The following PKIG variants were observed in gnomAD, a reference collection of about 807,000 sequenced individuals.
PKIG encodes cAMP-dependent protein kinase inhibitor gamma.
In PKIG, 1 loss-of-function variant was observed where a neutral mutation model predicts 6.8. That is an observed-to-expected ratio of 0.15 (90% CI 0.05 to 0.69). The LOEUF (loss-of-function observed/expected upper bound fraction) is 0.69. PKIG is among the 30% of genes least tolerant of loss of function. PKIG has a pLI of 0.82. For missense variants in PKIG, 77 were observed against 104.0 expected (o/e 0.74, Z 1.13); for synonymous variants, 39 against 43.0 (o/e 0.91, Z 0.36).
intron 1 of PKIG, among the ~76,000 whole-genome samples, chr20:44,574,740 A>AT (rs1336947856): frequency 2.0e-5 from 3 of 151,828 alleles, no homozygotes; most frequent in Non-Finnish European, 2.9e-5. Context: ...TGCCCAGCTA[A>AT]TTTTTTTATT....
chr20:44,561,448 G>A (rs1414454471), intron 1 of PKIG, among the ~76,000 whole-genome samples: 1 of 152,122 alleles, frequency 6.6e-6, no homozygotes, highest in East Asian at 1.9e-4. Context: ...AGAATGCAGT[G>A]GATGTATTTA....
chr20:44,550,257 G>T (rs2064655823), intron 1 of PKIG, among the ~76,000 whole-genome samples: 1 of 151,286 alleles, frequency 6.6e-6, no homozygotes, highest in Non-Finnish European at 1.5e-5. Flanking sequence ...AGATAAAAAT[G>T]AAAAATATAA....
intron 1 of PKIG, among the ~76,000 whole-genome samples, chr20:44,549,439 G>T (rs188060226): frequency 4.5e-4 from 68 of 152,168 alleles, no homozygotes; most frequent in African/African-American, 1.6e-3. Flanking sequence ...GTTATACTTT[G>T]TTGATGTTTC....
In PKIG at chr20:44,617,907, A is replaced by C. The variant is rs145762424; in HGVS notation, c.152-378A>C. Among the ~76,000 whole-genome samples the C allele has an allele frequency of 1.1e-4, 17 of 151,572 alleles. No homozygotes were observed. In the East Asian group the frequency reaches 2.9e-3, roughly 26 times the overall value. ...TAAAAATACAAAAATTAAAAAAAAA[A>C]CAAACAAACAGAACAGCTGCCATTT... On this transcript the variant is annotated intron_variant, in intron 3 of 3. Coordinates refer to ENST00000372886, the MANE Select transcript of PKIG (RefSeq NM_001281445.2).
chr20:44,582,362 G>A (rs2064955793), upstream of PKIG, among the ~76,000 whole-genome samples: 1 of 152,150 alleles, frequency 6.6e-6, no homozygotes, highest in Admixed American at 6.5e-5. Context: ...GAAAATTGAA[G>A]GAAGGATATT....
Position 44,574,790 on chromosome 20 carries a change from G to A in PKIG, c.-240-7795G>A, listed in dbSNP as rs139979031. Among the ~76,000 whole-genome samples the A allele has an allele frequency of 8.5e-3, 1,285 of 151,890 alleles. 6 individuals carry two copies. The highest frequency in any genetic ancestry group is 0.045 in the Middle Eastern group (13 of 292). ...GGTTTCACCATATTAGGCTGGTCTCGAACTCCTGACCTCAGGTGATCTACC... is the reference window on the plus strand; with the variant it reads ...GGTTTCACCATATTAGGCTGGTCTCAAACTCCTGACCTCAGGTGATCTACC... On this transcript the variant is annotated intron_variant, in intron 1 of 4. Coordinates refer to the PKIG transcript ENST00000372887.
chr20:44,577,949 G>A (rs990283832), upstream of PKIG, among the ~76,000 whole-genome samples: 2 of 152,124 alleles, frequency 1.3e-5, no homozygotes, highest in Non-Finnish European at 2.9e-5. Context: ...TGGGTTATGC[G>A]TACAGATCTC....
intron 1 of PKIG, among the ~76,000 whole-genome samples, chr20:44,540,120 C>T (rs898666134): frequency 6.6e-6 from 1 of 152,038 alleles, no homozygotes; most frequent in Non-Finnish European, 1.5e-5. Flanking sequence ...GCCACCACGC[C>T]TGGCTAATTT....
At chr20:44,606,428 A>G (rs2065164154) in intron 2 of PKIG, among the ~76,000 whole-genome samples, 1 of 152,184 alleles carries the variant, frequency 6.6e-6, no homozygotes. Flanking sequence ...CAAAATACCA[A>G]TGTGATAATA....
At chr20:44,543,030 A>T (rs1568803068) in intron 1 of PKIG, among the ~76,000 whole-genome samples, 1 of 152,226 alleles carries the variant, frequency 6.6e-6, no homozygotes, top group Non-Finnish European at 1.5e-5. Flanking sequence ...ATTCATAAGG[A>T]AGCAGTACAA....
intron 1 of PKIG, among the ~76,000 whole-genome samples, chr20:44,583,672 G>A (rs1041481305): frequency 1.3e-4 from 20 of 152,102 alleles, no homozygotes; most frequent in African/African-American, 4.1e-4. Context: ...TGTCACCTTG[G>A]GCAAGTGTTT....
intron 2 of PKIG, among the ~76,000 whole-genome samples, chr20:44,597,425 C>T (rs959297712): frequency 2.5e-4 from 38 of 152,176 alleles, no homozygotes; most frequent in Non-Finnish European, 1.0e-4. Context: ...TGGTATCTTA[C>T]TGTTTTTGTA....
intron 1 of PKIG, among the ~76,000 whole-genome samples, chr20:44,541,920 C>T (rs1482570916): frequency 6.6e-6 from 1 of 152,056 alleles, no homozygotes; most frequent in Non-Finnish European, 1.5e-5. Context: ...AACTCTTGAC[C>T]TCAAATGATC....
chr20:44,580,656 G>A (rs1287935580), upstream of PKIG, among the ~76,000 whole-genome samples: 1 of 152,088 alleles, frequency 6.6e-6, no homozygotes, highest in Non-Finnish European at 1.5e-5. Context: ...CCAGGCTGGT[G>A]TGGTTTTTAT....
intron 1 of PKIG, among the ~76,000 whole-genome samples, chr20:44,538,148 T>C (rs755450253): frequency 5.1e-4 from 77 of 152,292 alleles, no homozygotes; most frequent in Admixed American, 8.5e-4. Context: ...TTAGCTCCAC[T>C]CCCACAAACC....
chr20:44,611,744 CT>C (rs2065221200), intron 2 of PKIG, among the ~76,000 whole-genome samples: 1 of 149,494 alleles, frequency 6.7e-6, no homozygotes, highest in African/African-American at 2.5e-5. Flanking sequence ...TGGTCTCGAT[CT>C]CCTGACCTAG....
chr20:44,576,510 C>G (rs1402378449), intron 1 of PKIG, among the ~76,000 whole-genome samples: 1 of 152,100 alleles, frequency 6.6e-6, no homozygotes, highest in African/African-American at 2.4e-5. Flanking sequence ...AAGAGCCCTT[C>G]AAATTTGTAT....
chr20:44,537,621 A>G (rs547842330), intron 1 of PKIG, among the ~76,000 whole-genome samples: 1 of 150,606 alleles, frequency 6.6e-6, no homozygotes, highest in African/African-American at 2.4e-5. Flanking sequence ...TCTGTCCCTC[A>G]GGCTGGAGTG....
intron 1 of PKIG, among the ~76,000 whole-genome samples, chr20:44,573,030 GAAGTTC>G (rs2064866830): frequency 6.6e-6 from 1 of 152,220 alleles, no homozygotes; most frequent in South Asian, 2.1e-4. Flanking sequence ...AGGAAGCACA[GAAGTTC>G]TTTTTTCAGG....
Sources: gnomAD v4.1 joint callset for allele counts (sites outside exome capture counted in the v4.1 genomes callset) on GRCh38, gnomAD v4.1.1 for gene constraint, MANE v1.5 for transcripts, NCBI Gene and HGNC (gene_info 2026-07-23, HGNC 2026-07-21) for gene names.